Variants in C7orf33 observed in about 807,000 individuals in gnomAD.
C7orf33 encodes the protein chromosome 7 open reading frame 33, also known as uncharacterized protein C7orf33.
Under a neutral mutation model 13.4 loss-of-function variants are expected in C7orf33, and 15 were observed. That is an observed-to-expected ratio of 1.12 (90% CI 0.75 to 1.72). The LOEUF (loss-of-function observed/expected upper bound fraction) is 1.72. Among genes scored for constraint, C7orf33 ranks in the 40% most tolerant of loss-of-function variants. C7orf33 has a pLI of 0.00. For missense variants in C7orf33, 187 were observed against 220.3 expected, an observed-to-expected ratio of 0.85 and a Z score of 0.96; for synonymous variants, 73 against 83.2, an observed-to-expected ratio of 0.88 and a Z score of 0.67.
rs564515811 is a variant in C7orf33 at position 148,597,972 on chromosome 7, A to G, written c.204+6843A>G. Among the ~76,000 whole-genome samples, 427 of 152,096 alleles carry G rather than the reference A, an allele frequency of 2.8e-3. 4 individuals carry two copies. Among genetic ancestry groups the G allele is most frequent in the Middle Eastern group, 0.01 (3 of 294 alleles). ...GGGTTTCACTGTGTTAGCCAGGATG[A>G]TCTCGATCTCCTGACCTAGTGATCC... On this transcript the variant is annotated intron_variant, in intron 1 of 2. Coordinates refer to ENST00000307003, the MANE Select transcript of C7orf33 (RefSeq NM_145304.4).
At chr7:148,603,148 A>G (rs1038836757) in intron 1 of C7orf33, among the ~76,000 whole-genome samples, 4 of 152,204 alleles carry the variant, frequency 2.6e-5, no homozygotes, top group African/African-American at 9.7e-5. Context: ...ATGAGAACAC[A>G]CAGAAATGAG....
chr7:148,608,327 A>G (rs1257957313), intron 1 of C7orf33, among the ~76,000 whole-genome samples: 1 of 151,806 alleles, frequency 6.6e-6, no homozygotes, highest in East Asian at 2.0e-4. Context: ...CTACTTGGGA[A>G]GCTGAGGCAG....
chr7:148,598,918 A>G (rs1218805256), intron 1 of C7orf33, among the ~76,000 whole-genome samples: 1 of 151,522 alleles, frequency 6.6e-6, no homozygotes, highest in Non-Finnish European at 1.5e-5. Flanking sequence ...GCTGGAGTGC[A>G]ATGGCACGAT....
In C7orf33 at chr7:148,600,195, G is replaced by A. The variant is rs564925079; in HGVS notation, c.204+9066G>A. Among the ~76,000 whole-genome samples, 9 of 152,290 alleles carry A rather than the reference G, an allele frequency of 5.9e-5. No individual in the cohort carries two copies. In the South Asian group the frequency reaches 8.3e-4, roughly 14 times the overall value. On this transcript the variant is annotated intron_variant, in intron 1 of 2. Coordinates refer to ENST00000307003, the MANE Select transcript of C7orf33 (RefSeq NM_145304.4). ...CTCTAAAATAGGCCCAGAGCTGGGC[G>A]TAGTGGCTCACGCCTGTAATCCCAG...
At chr7:148,602,343 C>T (rs1310248098) in intron 1 of C7orf33, among the ~76,000 whole-genome samples, 2 of 151,458 alleles carry the variant, frequency 1.3e-5, no homozygotes, top group Non-Finnish European at 2.9e-5. Flanking sequence ...GACCTGTAAA[C>T]CCAGCCACTT....
intron 1 of C7orf33, among the ~76,000 whole-genome samples, chr7:148,600,897 G>A (rs1224299560): frequency 2.0e-5 from 3 of 148,884 alleles, no homozygotes; most frequent in Non-Finnish European, 3.0e-5. Context: ...CCACCTCCCG[G>A]GTTGAAGCAA....
intron 1 of C7orf33, among the ~76,000 whole-genome samples, chr7:148,610,809 C>T (rs1194436436): frequency 1.3e-5 from 2 of 152,126 alleles, no homozygotes; most frequent in East Asian, 1.9e-4. Flanking sequence ...AGAGCATTAT[C>T]TTCAGTGTAA....
In C7orf33 at chr7:148,615,481, A is replaced by T. The variant is rs1262222210; in HGVS notation, c.*80A>T. On this transcript the variant is annotated 3_prime_UTR_variant, in exon 3 of 3. Transcript: ENST00000307003. ...TCTTCTTGCAAGAAAAAAGAGAAAT[A>T]GCTGAAGTTCTGGAAATAACAGTTG... 2 of 923,176 alleles carry T rather than the reference A, an allele frequency of 2.2e-6. No individual in the cohort carries two copies. The highest frequency in any genetic ancestry group is 1.7e-5 in the African/African-American group (1 of 60,452). The allele number at this position is 923,176 out of a possible 1,614,324, so 57.2% of individuals were successfully genotyped here. A position where few individuals can be genotyped will look rare whatever the true frequency, so the allele number is the denominator to read the frequency against.
intron 1 of C7orf33, among the ~76,000 whole-genome samples, chr7:148,610,988 G>A (rs540884705): frequency 4.6e-5 from 7 of 152,284 alleles, no homozygotes; most frequent in Admixed American, 3.3e-4. Flanking sequence ...TGTTCCTGGT[G>A]TGAATTGGGT....
At chr7:148,611,568 C>T (rs779456831) in intron 1 of C7orf33, among the ~76,000 whole-genome samples, 3 of 152,162 alleles carry the variant, frequency 2.0e-5, no homozygotes, top group South Asian at 4.1e-4. Context: ...TGCTGAGTGC[C>T]GCCTCCATCA....
At chr7:148,591,224 TCTA>T in intron 1 of C7orf33, 95 bp downstream of exon 1, 1 of 1,068,898 alleles carries the variant, frequency 9.4e-7, no homozygotes. Context: ...TTTTTGACTC[TCTA>T]CTATGTGTTA....
At chr7:148,603,051 G>A (rs1048826852) in intron 1 of C7orf33, among the ~76,000 whole-genome samples, 6 of 152,042 alleles carry the variant, frequency 3.9e-5, no homozygotes, top group Non-Finnish European at 5.9e-5. Flanking sequence ...CAAAGAGAAC[G>A]CTACAAATGT....
chr7:148,601,923 A>AT (rs1441731758), intron 1 of C7orf33, among the ~76,000 whole-genome samples: 2 of 146,364 alleles, frequency 1.4e-5, no homozygotes, highest in East Asian at 3.9e-4. Context: ...GATTTTTTTT[A>AT]TTTTTTGTAG....
intron 1 of C7orf33, among the ~76,000 whole-genome samples, chr7:148,604,335 C>T (rs189072298): frequency 6.6e-6 from 1 of 152,258 alleles, no homozygotes; most frequent in Admixed American, 6.5e-5. Flanking sequence ...CCATGTCGGC[C>T]AGGCTGGTCT....
At chr7:148,592,975 G>A (rs1215929314) in intron 1 of C7orf33, among the ~76,000 whole-genome samples, 1 of 151,804 alleles carries the variant, frequency 6.6e-6, no homozygotes, top group African/African-American at 2.4e-5. Flanking sequence ...CCAGTAGCTG[G>A]GATTACAGGC....
At chr7:148,597,332 A>C (rs1796351819) in intron 1 of C7orf33, among the ~76,000 whole-genome samples, 2 of 152,082 alleles carry the variant, frequency 1.3e-5, no homozygotes, top group South Asian at 4.1e-4. Flanking sequence ...CCAAGGCTGC[A>C]GTTCAATGGC....
At chr7:148,595,922 A>G (rs1411250233) in intron 1 of C7orf33, among the ~76,000 whole-genome samples, 3 of 151,338 alleles carry the variant, frequency 2.0e-5, no homozygotes, top group Non-Finnish European at 2.9e-5. Context: ...ACATTAACCA[A>G]TGTTTAACCA....
intron 1 of C7orf33, among the ~76,000 whole-genome samples, chr7:148,609,547 A>T (rs768685000): frequency 4.6e-5 from 7 of 152,210 alleles, no homozygotes; most frequent in Non-Finnish European, 8.8e-5. Context: ...ATCTATACTG[A>T]CATCTTCATC....
Position 148,615,698 on chromosome 7 carries a change from A to G in C7orf33, c.*297A>G. ...TCTAAAGGGAGACGAAGATCCCCAG[A>G]GGACCTGGATAGAGATGTTTCCCTG... On this transcript the variant is annotated 3_prime_UTR_variant, in exon 3 of 3. Coordinates refer to ENST00000307003, the MANE Select transcript of C7orf33 (RefSeq NM_145304.4). The G allele has an allele frequency of 3.1e-6, 1 of 318,338 alleles. No homozygotes were observed. The highest frequency in any genetic ancestry group is 6.1e-6 in the Non-Finnish European group (1 of 165,214). 19.7% of individuals were successfully genotyped at this position (318,338 alleles called of 1,614,324 possible).
Sources: gnomAD v4.1 joint callset for allele counts (sites outside exome capture counted in the v4.1 genomes callset) on GRCh38, gnomAD v4.1.1 for gene constraint, MANE v1.5 for transcripts, NCBI Gene and HGNC (gene_info 2026-07-23, HGNC 2026-07-21) for gene names.